Variants in MMS19 observed in about 807,000 individuals in gnomAD.
The protein encoded by MMS19 is MMS19 cytosolic iron-sulfur assembly component.
Under a neutral mutation model 129.8 loss-of-function variants are expected in MMS19, and 77 were observed. That is an observed-to-expected ratio of 0.59 (90% CI 0.49 to 0.72). The LOEUF (loss-of-function observed/expected upper bound fraction) is 0.72. MMS19 is among the 30% of genes least tolerant of loss of function. The pLI, the probability that MMS19 is intolerant of heterozygous loss-of-function variation, is 0.00. For synonymous variants in MMS19, 491 were observed against 502.8 expected (o/e 0.98, Z 0.31); for missense variants, 1,168 against 1,266.3 (o/e 0.92, Z 1.18).
At chr10:97,496,497 G>C (rs1163723145) in intron 1 of MMS19, among the ~76,000 whole-genome samples, 1 of 133,078 alleles carries the variant, frequency 7.5e-6, no homozygotes, top group Non-Finnish European at 1.5e-5. Flanking sequence ...GGCAGACAGA[G>C]AGGGACCTTG....
rs1160181370 is a variant in MMS19, at chr10:97,460,751, C to A, written c.2413G>T (p.Val805Leu). 6.3e-7 allele frequency: 1 copy of A among 1,596,332 alleles called. No individual in the cohort carries two copies. Among genetic ancestry groups the A allele is most frequent in the Admixed American group, 1.7e-5 (1 of 57,372 alleles). Residue 805 changes from valine (V) to leucine (L), a missense_variant and splice_region_variant, in exon 25 of 31, where the codon GTA becomes TTA. Transcript: ENST00000438925. ...TATCTGAGCACTAGGGCCTTTGTTA[C>A]CTGTAATTGGAGACAGAGAGAGCAA... The part of the protein sequence containing the change: ...RSQAFTLLLW[V>L]TKALVLRYHP...
intron 6 of MMS19, 109 bp from the exon 7 acceptor site, chr10:97,477,072 G>A: frequency 1.3e-6 from 2 of 1,550,930 alleles, no homozygotes; most frequent in Non-Finnish European, 1.7e-6. Context: ...TTTCTCTTCA[G>A]GGCTGACCCT....
At chr10:97,463,240 T>C (rs2133332402) in intron 19 of MMS19, among the ~76,000 whole-genome samples, 1 of 148,646 alleles carries the variant, frequency 6.7e-6, no homozygotes, top group South Asian at 2.2e-4. Flanking sequence ...GGCACAATCA[T>C]GCCTCACTGC....
rs1288788831 is a variant in MMS19, at chr10:97,461,908, G to A, written c.2116-12C>T. The A allele has an allele frequency of 6.3e-7, 1 of 1,599,170 alleles. No homozygotes were observed. Among genetic ancestry groups the A allele is most frequent in the Non-Finnish European group, 8.5e-7 (1 of 1,173,028 alleles). On this transcript the variant is annotated splice_polypyrimidine_tract_variant and intron_variant, in intron 21 of 30. Coordinates refer to ENST00000438925, the MANE Select transcript of MMS19 (RefSeq NM_022362.5). ...CCTGAGGAGCCATCCTATAAAGGAA[G>A]GAGAGCCCGATCAAGCCTGCCAGCA...
At chr10:97,459,617 T>C (rs1009966831) in intron 27 of MMS19, 42 bp downstream of exon 27, 28 of 1,600,624 alleles carry the variant, frequency 1.7e-5, no homozygotes, top group East Asian at 4.5e-5. Flanking sequence ...TGGGGAAGAA[T>C]AGCTTTGTCC....
chr10:97,498,509 G>A (rs2040237978), upstream of MMS19: 17 of 1,387,510 alleles, frequency 1.2e-5, no homozygotes, highest in Middle Eastern at 1.9e-4. Flanking sequence ...TCACGTGCCT[G>A]CCGGCTTCTG....
rs778224923 is a variant in MMS19 at position 97,470,119 on chromosome 10, A to AATCG, written c.846+9_846+10insCGAT. 2.5e-6 allele frequency: 4 copies of AATCG among 1,596,876 alleles called. No homozygotes were observed. The highest frequency in any genetic ancestry group is 2.6e-6 in the Non-Finnish European group (3 of 1,168,534). On this transcript the variant is annotated intron_variant, in intron 10 of 30. Coordinates refer to ENST00000438925, the MANE Select transcript of MMS19 (RefSeq NM_022362.5). ...GGTAGCTGGGTCCTGCAAGGAGAAA[A>AATCG]ATCACTCACCAGAGTCTGTAGAGAA...
intron 1 of MMS19, among the ~76,000 whole-genome samples, chr10:97,489,008 A>T (rs903066543): frequency 5.3e-5 from 8 of 151,694 alleles, no homozygotes; most frequent in African/African-American, 1.9e-4. Context: ...CCCAGGCTGG[A>T]TTGTATTTTT....
At chr10:97,481,693 T>C (rs760047696) in intron 2 of MMS19, among the ~76,000 whole-genome samples, 1 of 152,078 alleles carries the variant, frequency 6.6e-6, no homozygotes, top group Non-Finnish European at 1.5e-5. Flanking sequence ...ACGGAGATTA[T>C]ACTGAAACAT....
intron 2 of MMS19, among the ~76,000 whole-genome samples, chr10:97,482,771 T>TAC (rs2037094373): frequency 6.8e-6 from 1 of 147,970 alleles, no homozygotes; most frequent in Non-Finnish European, 1.5e-5. Context: ...CACACACATA[T>TAC]ATTTTTTGAG....
intron 2 of MMS19, among the ~76,000 whole-genome samples, chr10:97,481,520 TC>T (rs2135443138): frequency 2.0e-5 from 3 of 152,174 alleles, no homozygotes; most frequent in South Asian, 4.1e-4. Context: ...ACCACCAAGT[TC>T]CTAGAGTAAA....
intron 1 of MMS19, among the ~76,000 whole-genome samples, chr10:97,489,239 T>C (rs909342941): frequency 3.9e-5 from 6 of 152,212 alleles, no homozygotes; most frequent in African/African-American, 7.2e-5. Flanking sequence ...AAACAGTGTA[T>C]ATAATATGTG....
intron 25 of MMS19, 48 bp downstream of exon 25, chr10:97,460,647 G>GA (rs769082280): frequency 1.1e-5 from 17 of 1,491,116 alleles, no homozygotes; most frequent in Non-Finnish European, 1.6e-5. Context: ...GGAGCAACCA[G>GA]AAAGTTTGTT....
intron 3 of MMS19, among the ~76,000 whole-genome samples, chr10:97,478,925 T>C (rs564666522): frequency 2.6e-5 from 4 of 152,294 alleles, no homozygotes; most frequent in South Asian, 4.2e-4. Flanking sequence ...CCCACACACA[T>C]ATACCCCCAA....
At chr10:97,473,538 C>T (rs1378441292) in intron 8 of MMS19, among the ~76,000 whole-genome samples, 1 of 149,534 alleles carries the variant, frequency 6.7e-6, no homozygotes, top group Non-Finnish European at 1.5e-5. Context: ...AGATCTGATC[C>T]AAGAAAAAGG....
At chr10:97,495,384 C>A (rs969568395) in intron 1 of MMS19, among the ~76,000 whole-genome samples, 1 of 152,234 alleles carries the variant, frequency 6.6e-6, no homozygotes, top group Admixed American at 6.5e-5. Context: ...AAGGTGGCAG[C>A]AGCTGCTTTT....
chr10:97,463,060 T>A (rs976188455), intron 19 of MMS19: 5 of 226,138 alleles, frequency 2.2e-5, no homozygotes, highest in African/African-American at 1.2e-4. Context: ...TTTATCTTCA[T>A]GGGTCCTTAT....
intron 19 of MMS19, among the ~76,000 whole-genome samples, chr10:97,463,162 A>AGTTTT (rs2032509162): frequency 7.5e-6 from 1 of 133,298 alleles, no homozygotes; most frequent in Non-Finnish European, 1.7e-5. Flanking sequence ...CCTGTGAAAC[A>AGTTTT]GTTTTTTTTT....
rs372254944 is a variant in MMS19, at chr10:97,489,123, G to T, written c.113-4972C>A. ...CCCAAAGTGCTGAGATTACAGACATGAGCCAACACACCGGGCCTGTAGCTA... is the reference window on the plus strand; with the variant it reads ...CCCAAAGTGCTGAGATTACAGACATTAGCCAACACACCGGGCCTGTAGCTA... On this transcript the variant is annotated intron_variant, in intron 1 of 30. Coordinates refer to ENST00000438925, the MANE Select transcript of MMS19 (RefSeq NM_022362.5). Among the ~76,000 whole-genome samples the T allele has an allele frequency of 2.0e-5, 3 of 152,084 alleles. No individual in the cohort carries two copies. The East Asian group carries it at 5.8e-4, about 29-fold the overall frequency.
Sources: allele counts gnomAD v4.1 joint callset (sites outside exome capture counted in the v4.1 genomes callset), GRCh38; gene constraint gnomAD v4.1.1; transcripts MANE v1.5; gene names NCBI Gene and HGNC (gene_info 2026-07-23, HGNC 2026-07-21).